Variants in MAN2A1 observed in about 807,000 individuals in gnomAD.
MAN2A1 encodes the protein mannosidase alpha class 2A member 1.
Under a neutral mutation model 142.6 loss-of-function variants are expected in MAN2A1, and 76 were observed. The ratio of observed to expected loss-of-function variants is 0.53; its 90% CI spans 0.44 to 0.65. The LOEUF is 0.65. MAN2A1 is among the 30% of genes least tolerant of loss of function. The pLI, the probability that MAN2A1 is intolerant of heterozygous loss-of-function variation, is 0.00. For missense variants in MAN2A1, 1,311 were observed against 1,365.1 expected, an observed-to-expected ratio of 0.96 and a Z score of 0.62; for synonymous variants, 559 against 473.2, an observed-to-expected ratio of 1.18 and a Z score of -2.35.
At chr5:109,776,567 A>G (rs1239040722) in intron 8 of MAN2A1, among the ~76,000 whole-genome samples, 1 of 152,108 alleles carries the variant, frequency 6.6e-6, no homozygotes. Context: ...TATTCTACCT[A>G]TTTCATCCTT....
chr5:109,820,100 A>G, intron 14 of MAN2A1, 120 bp from the exon 15 acceptor site: 1 of 926,314 alleles, frequency 1.1e-6, no homozygotes, highest in East Asian at 2.6e-5. Flanking sequence ...TCTGTGTGTC[A>G]CTGGTCCACC....
At chr5:109,745,066 A>T (rs1752362430) in intron 4 of MAN2A1, among the ~76,000 whole-genome samples, 1 of 152,116 alleles carries the variant, frequency 6.6e-6, no homozygotes, top group East Asian at 1.9e-4. Context: ...ATCTATTGTG[A>T]TAGAAATGGA....
intron 10 of MAN2A1, among the ~76,000 whole-genome samples, chr5:109,787,990 A>T (rs1753638306): frequency 6.6e-6 from 1 of 151,878 alleles, no homozygotes; most frequent in Non-Finnish European, 1.5e-5. Flanking sequence ...CTCTGAAGGA[A>T]ATATTAATGC....
At chr5:109,695,223 GT>G (rs199583247) in intron 1 of MAN2A1, among the ~76,000 whole-genome samples, 1 of 151,792 alleles carries the variant, frequency 6.6e-6, no homozygotes, top group African/African-American at 2.4e-5. Flanking sequence ...TTTGTTTTTT[GT>G]TTTTTTTAAA....
At chr5:109,707,994 A>C (rs1751184276) in intron 1 of MAN2A1, among the ~76,000 whole-genome samples, 1 of 152,142 alleles carries the variant, frequency 6.6e-6, no homozygotes, top group South Asian at 2.1e-4. Flanking sequence ...GGAGATACAA[A>C]TATGGGAGAC....
intron 4 of MAN2A1, among the ~76,000 whole-genome samples, chr5:109,744,959 A>G (rs1370601246): frequency 6.6e-6 from 1 of 152,210 alleles, no homozygotes. Context: ...ACACAGTAAT[A>G]TGGATGAGTC....
chr5:109,692,830 TG>T (rs1401270191), intron 1 of MAN2A1, among the ~76,000 whole-genome samples: 1 of 151,862 alleles, frequency 6.6e-6, no homozygotes, highest in Non-Finnish European at 1.5e-5. Context: ...GGGGATGGTT[TG>T]GGGATGAAGC....
intron 8 of MAN2A1, among the ~76,000 whole-genome samples, chr5:109,779,565 G>A (rs916926702): frequency 2.7e-5 from 2 of 73,222 alleles, no homozygotes; most frequent in Non-Finnish European, 5.2e-5. Flanking sequence ...ACACACGCGT[G>A]CACACACACA....
chr5:109,844,771 A>G (rs949217834), intron 17 of MAN2A1, among the ~76,000 whole-genome samples: 1 of 152,116 alleles, frequency 6.6e-6, no homozygotes, highest in Non-Finnish European at 1.5e-5. Flanking sequence ...CGTTCTCCCT[A>G]TGCCTCTTGT....
At chr5:109,782,261 C>A (rs901320441) in intron 9 of MAN2A1, among the ~76,000 whole-genome samples, 5 of 152,108 alleles carry the variant, frequency 3.3e-5, no homozygotes, top group African/African-American at 1.2e-4. Context: ...CTGACACTAT[C>A]CAGGAGAACT....
chr5:109,840,378 C>A, intron 16 of MAN2A1: 2 of 383,778 alleles, frequency 5.2e-6, no homozygotes, highest in South Asian at 4.6e-5. Flanking sequence ...TTTAGGTCAT[C>A]TCCAGAGAAA....
intron 16 of MAN2A1, among the ~76,000 whole-genome samples, chr5:109,825,688 T>C (rs1040881527): frequency 6.6e-6 from 1 of 151,946 alleles, no homozygotes; most frequent in East Asian, 1.9e-4. Flanking sequence ...ACTAAATGCT[T>C]GTCATTTTTC....
chr5:109,730,341 C>G (rs1202398304), intron 4 of MAN2A1, among the ~76,000 whole-genome samples: 1 of 151,868 alleles, frequency 6.6e-6, no homozygotes, highest in Admixed American at 6.6e-5. Flanking sequence ...ACATATACTC[C>G]TTAACTCATA....
At chr5:109,839,559 C>A (rs192901448) in intron 16 of MAN2A1, among the ~76,000 whole-genome samples, 342 of 149,882 alleles carry the variant, frequency 2.3e-3, no homozygotes, top group African/African-American at 8.2e-3. Context: ...TGCCTGTAGT[C>A]CCAGCTACTC....
intron 1 of MAN2A1, among the ~76,000 whole-genome samples, chr5:109,712,824 G>A (rs1751339956): frequency 6.6e-6 from 1 of 152,192 alleles, no homozygotes; most frequent in Admixed American, 6.5e-5. Flanking sequence ...CCAGGATATA[G>A]GGGTGAACAA....
At chr5:109,721,764 A>G (rs1475228463) in intron 3 of MAN2A1, among the ~76,000 whole-genome samples, 1 of 152,164 alleles carries the variant, frequency 6.6e-6, no homozygotes, top group Non-Finnish European at 1.5e-5. Context: ...AGAAATTTAG[A>G]TGATCATTAA....
Position 109,865,049 on chromosome 5 carries a change from A to G in MAN2A1, c.3185A>G (p.His1062Arg). 6.2e-7 allele frequency: 1 copy of G among 1,613,780 alleles called. No homozygotes were observed. Among genetic ancestry groups the G allele is most frequent in the Non-Finnish European group, 8.5e-7 (1 of 1,179,796 alleles). Residue 1062 changes from histidine to arginine, a missense_variant, in exon 21 of 22, where the codon CAC becomes CGC. Around this residue, in one of 3 missense-constraint regions of MAN2A1, gnomAD observed 890 missense variants for 920.5 expected, o/e 0.97. Transcript: ENST00000261483. ...RTIQSKVGNG[H>R]SNEAALILHR... The stretch of plus-strand genomic sequence containing the variant: ...GCTCATTTGCAGGTGGGCAATGGGC[A>G]CTCCAATGAGGCAGCCTTGATCCTC...
chr5:109,755,525 C>G (rs1036266113), intron 5 of MAN2A1, 69 bp downstream of exon 5: 6 of 1,259,522 alleles, frequency 4.8e-6, no homozygotes, highest in Non-Finnish European at 6.7e-6. Flanking sequence ...AAGTGAGGCT[C>G]TGTTCTTTTT....
chr5:109,777,346 A>C (rs867109958), intron 8 of MAN2A1, among the ~76,000 whole-genome samples: 2 of 151,668 alleles, frequency 1.3e-5, no homozygotes, highest in African/African-American at 2.4e-5. Context: ...TCATATGTTT[A>C]TTGCCATTTG....
Sources: allele counts gnomAD v4.1 joint callset (sites outside exome capture counted in the v4.1 genomes callset), GRCh38; gene constraint gnomAD v4.1.1; regional missense constraint gnomAD v4.1.1; transcripts MANE v1.5; gene names NCBI Gene and HGNC (gene_info 2026-07-23, HGNC 2026-07-21).